Variants in SNAP23 observed in about 807,000 individuals in gnomAD.
SNAP23 encodes the protein synaptosome associated protein 23.
In SNAP23, 11 loss-of-function variants were observed where a neutral mutation model predicts 29.0. That is an observed-to-expected ratio of 0.38 (90% CI 0.24 to 0.63). The LOEUF is 0.63. Among genes scored for constraint, SNAP23 ranks in the 20% least tolerant of loss-of-function variants. The probability of loss-of-function intolerance (pLI) is 0.58; values close to 1 mark genes in which losing one functional copy is unlikely to be tolerated. For synonymous variants in SNAP23, 60 were observed against 82.9 expected (o/e 0.72, Z 1.50); for missense variants, 220 against 253.9 (o/e 0.87, Z 0.91).
At chr15:42,499,564 C>A (rs1031335822) in intron 1 of SNAP23, among the ~76,000 whole-genome samples, 32 of 152,128 alleles carry the variant, frequency 2.1e-4, no homozygotes, top group Middle Eastern at 6.8e-3. Flanking sequence ...AAAACATTGC[C>A]CACTTCCAAA....
At chr15:42,504,745 T>G (rs1043739261) in intron 1 of SNAP23, among the ~76,000 whole-genome samples, 2 of 152,220 alleles carry the variant, frequency 1.3e-5, no homozygotes, top group African/African-American at 4.8e-5. Flanking sequence ...GTTAGGTAAT[T>G]AACTTGGGGT....
intron 3 of SNAP23, 97 bp downstream of exon 3, chr15:42,513,093 A>G: frequency 1.1e-6 from 1 of 905,894 alleles, no homozygotes; most frequent in Non-Finnish European, 1.8e-6. Context: ...ATGTATCAAT[A>G]TGCTTTATTA....
At chr15:42,493,909 A>G (rs1435065491), upstream of SNAP23, among the ~76,000 whole-genome samples, 1 of 150,032 alleles carries the variant, frequency 6.7e-6, no homozygotes, top group African/African-American at 2.4e-5. Context: ...TTGGGGAAAT[A>G]TCTCCTCTCT....
chr15:42,532,372 A>T lies in SNAP23; in HGVS notation c.*894A>T, dbSNP rs1395064596. The T allele has an allele frequency of 1.3e-5, 2 of 152,060 alleles. No homozygotes were observed. Among genetic ancestry groups the T allele is most frequent in the African/African-American group, 4.8e-5 (2 of 41,262 alleles). The allele number at this position is 152,060 out of a possible 1,614,324, so 9.4% of individuals were successfully genotyped here. Reference sequence around the variant, plus strand: ...AGTACTGGGATTACAGGCGTGAGCCACTGTGCCTGGCTGAGTTTTCTTAAA... The same window carrying T: ...AGTACTGGGATTACAGGCGTGAGCCTCTGTGCCTGGCTGAGTTTTCTTAAA... On this transcript the variant is annotated 3_prime_UTR_variant, in exon 8 of 8. Coordinates refer to ENST00000249647, the MANE Select transcript of SNAP23 (RefSeq NM_003825.4).
intron 5 of SNAP23, among the ~76,000 whole-genome samples, chr15:42,522,497 A>G (rs1567047584): frequency 6.6e-6 from 1 of 152,056 alleles, no homozygotes; most frequent in Non-Finnish European, 1.5e-5. Flanking sequence ...ATGTTAAAAA[A>G]TTAAGTATTT....
intron 1 of SNAP23, 128 bp from the exon 2 acceptor site, chr15:42,511,705 A>T (rs891315383): frequency 4.3e-6 from 2 of 467,748 alleles, no homozygotes; most frequent in African/African-American, 4.0e-5. Context: ...AGATATAGAA[A>T]GAGGTTCTTT....
intron 4 of SNAP23, among the ~76,000 whole-genome samples, chr15:42,513,826 G>A (rs373007466): frequency 2.6e-5 from 4 of 151,812 alleles, no homozygotes; most frequent in Admixed American, 1.3e-4. Flanking sequence ...TAGTTTTGGG[G>A]GTGGGGGATG....
chr15:42,516,057 T>C (rs1390117651), intron 5 of SNAP23, among the ~76,000 whole-genome samples: 1 of 152,164 alleles, frequency 6.6e-6, no homozygotes. Context: ...AAGATATAAG[T>C]AGGTAGTAGA....
intron 3 of SNAP23, 122 bp from the exon 4 acceptor site, chr15:42,513,277 C>T: frequency 3.3e-6 from 3 of 904,116 alleles, no homozygotes; most frequent in Non-Finnish European, 5.6e-6. Context: ...CTAGTTCTGT[C>T]TGTAGCTCTA....
At chr15:42,529,211 C>A (rs2057537724) in intron 6 of SNAP23, among the ~76,000 whole-genome samples, 2 of 152,188 alleles carry the variant, frequency 1.3e-5, no homozygotes, top group Admixed American at 6.5e-5. Context: ...TTTACAAAAT[C>A]ATATGGTGGC....
chr15:42,499,751 A>G (rs553397865), intron 1 of SNAP23, among the ~76,000 whole-genome samples: 9 of 152,352 alleles, frequency 5.9e-5, no homozygotes, highest in African/African-American at 1.4e-4. Flanking sequence ...TTTAAAATGA[A>G]GATTGAACTA....
Position 42,532,069 on chromosome 15 carries a change from G to A in SNAP23, c.*591G>A, listed in dbSNP as rs562349763. The A allele has an allele frequency of 1.3e-5, 2 of 152,128 alleles. No homozygotes were observed. Among genetic ancestry groups the A allele is most frequent in the East Asian group, 3.9e-4 (2 of 5,186 alleles). 9.4% of individuals were successfully genotyped at this position (152,128 alleles called of 1,614,324 possible). On this transcript the variant is annotated 3_prime_UTR_variant, in exon 8 of 8. Coordinates refer to ENST00000249647, the MANE Select transcript of SNAP23 (RefSeq NM_003825.4). ...ACAGTTTTGCAACCTCTGCTCCAAA[G>A]AGAAAAATAGAATGAGTTTTCTTTC...
intron 4 of SNAP23, among the ~76,000 whole-genome samples, chr15:42,514,705 T>TC (rs1340019005): frequency 6.6e-6 from 1 of 150,806 alleles, no homozygotes; most frequent in Non-Finnish European, 1.5e-5. Context: ...AGATTCTTTT[T>TC]TTTTTTTTTT....
chr15:42,531,635 T>C lies in SNAP23; in HGVS notation c.*157T>C. On this transcript the variant is annotated 3_prime_UTR_variant, in exon 8 of 8. Coordinates refer to ENST00000249647, the MANE Select transcript of SNAP23 (RefSeq NM_003825.4). ...CAGTTACAGCCCTCCTTCTTTTTTG[T>C]TTTCTGTTGAGGGCCGACTGCTGCT... is the stretch of plus-strand genomic sequence containing the variant. 2.0e-6 allele frequency: 1 copy of C among 512,400 alleles called. No individual in the cohort carries two copies. Among genetic ancestry groups the C allele is most frequent in the East Asian group, 3.2e-5 (1 of 31,076 alleles). The allele number at this position is 512,400 out of a possible 1,614,324, so 31.7% of individuals were successfully genotyped here.
intron 5 of SNAP23, among the ~76,000 whole-genome samples, chr15:42,527,521 G>A (rs968738316): frequency 6.6e-6 from 1 of 151,996 alleles, no homozygotes; most frequent in Non-Finnish European, 1.5e-5. Context: ...GAGTAGCTGG[G>A]ACCACAGGCG....
chr15:42,496,716 C>A (rs28731130), intron 1 of SNAP23, among the ~76,000 whole-genome samples: 11 of 146,596 alleles, frequency 7.5e-5, no homozygotes, highest in Non-Finnish European at 1.4e-4. Context: ...GGCTCCAACT[C>A]AAAAAAAAAC....
At chr15:42,502,058 C>T (rs1248423633) in intron 1 of SNAP23, among the ~76,000 whole-genome samples, 4 of 141,600 alleles carry the variant, frequency 2.8e-5, no homozygotes, top group African/African-American at 7.9e-5. Flanking sequence ...GACGGAGTCT[C>T]GCTCTGTCGC....
intron 5 of SNAP23, among the ~76,000 whole-genome samples, chr15:42,525,577 C>T (rs978110519): frequency 7.2e-6 from 1 of 139,666 alleles, no homozygotes; most frequent in African/African-American, 2.6e-5. Context: ...GATTCTTCTG[C>T]CTCTGCCTCC....
At chr15:42,517,216 G>T (rs60697170) in intron 5 of SNAP23, among the ~76,000 whole-genome samples, 7,229 of 152,218 alleles carry the variant, frequency 0.047, 573 homozygotes, top group African/African-American at 0.16. Flanking sequence ...CACTGCTCCC[G>T]GCCAAAAGTT....
Sources: gnomAD v4.1 joint callset for allele counts (sites outside exome capture counted in the v4.1 genomes callset) on GRCh38, gnomAD v4.1.1 for gene constraint, MANE v1.5 for transcripts, NCBI Gene and HGNC (gene_info 2026-07-23, HGNC 2026-07-21) for gene names.